Variants in FUS observed in about 807,000 individuals in gnomAD.
FUS encodes the protein RNA-binding protein FUS.
Under a neutral mutation model 82.7 loss-of-function variants are expected in FUS, and 5 were observed. The ratio of observed to expected loss-of-function variants is 0.06; its 90% CI spans 0.03 to 0.13. The LOEUF (loss-of-function observed/expected upper bound fraction) is 0.13. Ranked by LOEUF, FUS falls within the 10% of genes least tolerant of loss-of-function variation. The pLI is 1.00. For missense variants in FUS, 512 were observed against 707.8 expected (o/e 0.72, Z 3.14); for synonymous variants, 281 against 247.4 (o/e 1.14, Z -1.27).
intron 3 of FUS, 193 bp from the exon 4 acceptor site, chr16:31,183,665 A>T (rs1222046830): frequency 6.0e-6 from 4 of 665,148 alleles, no homozygotes; most frequent in Non-Finnish European, 1.1e-5. Flanking sequence ...TGTACTAAAG[A>T]GTTGGTAGAA....
At position 31,185,149 on chromosome 16, in the gene FUS, G is replaced by T. The variant is rs1009613052; in HGVS notation, c.734G>T (p.Gly245Val). ...GGTGGCTATGAACCCAGAGGTCGTG[G>T]AGGTGGCCGTGGAGGCAGAGGTGGC... ...SSGGYEPRGR[G>V]GGRGGRGGMG... The change falls in exon 6 of 15, where the codon GGA (glycine) becomes GTA (valine). Residue 245 changes from glycine (G) to valine (V), a missense_variant. Transcript: ENST00000254108. 1.9e-6 allele frequency: 3 copies of T among 1,610,808 alleles called. No individual in the cohort carries two copies. Among genetic ancestry groups the T allele is most frequent in the Non-Finnish European group, 2.5e-6 (3 of 1,178,490 alleles).
chr16:31,190,331 G>A lies in FUS; in HGVS notation c.1225G>A (p.Gly409Arg), dbSNP rs1206751147. The A allele has an allele frequency of 3.1e-6, 5 of 1,614,148 alleles. No homozygotes were observed. The highest frequency in any genetic ancestry group is 1.3e-5 in the African/African-American group (1 of 75,020). ...TGGCAGTGGTGGTGGTGGCCGAGGA[G>A]GATTTCCCAGTGGAGGTGGTGGCGG... ...GGGSGGGGRGGFPSGGGGGGG... is the reference protein window; with the variant it reads ...GGGSGGGGRGRFPSGGGGGGG... The change falls in exon 12 of 15, where the codon GGA becomes AGA. Residue 409 changes from glycine to arginine, a missense_variant. This residue lies in a region of FUS where 63 missense variants were observed against 83.0 expected (regional missense o/e 0.76). Transcript: ENST00000254108.
intron 7 of FUS, chr16:31,187,734 C>G (rs1022390288): frequency 4.3e-6 from 1 of 234,322 alleles, no homozygotes; most frequent in Non-Finnish European, 8.4e-6. Context: ...GGCTGCATTA[C>G]GGAAATAAGA....
downstream of FUS, chr16:31,193,434 G>A (rs1307375258): frequency 9.5e-6 from 5 of 527,472 alleles, no homozygotes; most frequent in South Asian, 1.5e-5. Context: ...GGCCTGATAC[G>A]ATATTTGAGT....
chr16:31,187,331 A>G (rs565658593), intron 7 of FUS: 44 of 259,560 alleles, frequency 1.7e-4, no homozygotes, highest in Non-Finnish European at 3.0e-4. Context: ...AATGGTGTCA[A>G]TGAATGCAAT....
Position 31,187,246 on chromosome 16 carries a change from G to A in FUS, c.799+410G>A, listed in dbSNP as rs534869047. Reference sequence around the variant, plus strand: ...GTGTGAGTGTGTGGGAGACAACTCCGAATGTTTAATTCTGGAAGAGGGATG... The same window carrying A: ...GTGTGAGTGTGTGGGAGACAACTCCAAATGTTTAATTCTGGAAGAGGGATG... On this transcript the variant is annotated intron_variant, in intron 7 of 14. Coordinates refer to ENST00000254108, the MANE Select transcript of FUS (RefSeq NM_004960.4). The A allele has an allele frequency of 8.8e-5, 27 of 307,500 alleles. 1 individual carries two copies. Among genetic ancestry groups the A allele is most frequent in the African/African-American group, 4.1e-4 (20 of 49,176 alleles). 19.0% of individuals were successfully genotyped at this position (307,500 alleles called of 1,614,324 possible). A position where few individuals can be genotyped will look rare whatever the true frequency, so the allele number is the denominator to read the frequency against.
intron 3 of FUS, 84 bp from the exon 4 acceptor site, chr16:31,183,774 T>C: frequency 1.3e-6 from 2 of 1,528,832 alleles, no homozygotes; most frequent in Middle Eastern, 1.7e-4. Flanking sequence ...TTTATGAGTA[T>C]AGGTATTATG....
intron 6 of FUS, chr16:31,185,972 A>G: frequency 4.2e-6 from 1 of 236,744 alleles, no homozygotes; most frequent in East Asian, 6.0e-5. Context: ...AAGGGGAGGA[A>G]TGTCAGTGTT....
intron 9 of FUS, 108 bp from the exon 10 acceptor site, chr16:31,189,556 GA>G: frequency 1.4e-6 from 2 of 1,454,196 alleles, no homozygotes; most frequent in Non-Finnish European, 1.9e-6. Flanking sequence ...TAACTGGGAA[GA>G]GGGGAGCTGA....
chr16:31,193,435 ATAT>A, downstream of FUS: 1 of 527,974 alleles, frequency 1.9e-6, no homozygotes, highest in Non-Finnish European at 3.7e-6. Context: ...GCCTGATACG[ATAT>A]TTGAGTAGTT....
At chr16:31,180,130 G>C (rs773765940), upstream of FUS, 3 of 1,560,262 alleles carry the variant, frequency 1.9e-6, no homozygotes, top group South Asian at 1.2e-5. Context: ...CGACGCAGGA[G>C]GCGGGGCTGC....
chr16:31,183,597 C>T, intron 3 of FUS: 1 of 498,176 alleles, frequency 2.0e-6, no homozygotes, highest in Non-Finnish European at 3.6e-6. Context: ...ATCCTTGGGC[C>T]TGGGTTTAGA....
intron 9 of FUS, 64 bp from the exon 10 acceptor site, chr16:31,189,600 GA>G (rs1378673648): frequency 6.2e-7 from 1 of 1,607,510 alleles, no homozygotes; most frequent in African/African-American, 1.3e-5. Flanking sequence ...TGTTCTAGAG[GA>G]AGAAGATGGA....
intron 12 of FUS, 129 bp from the exon 13 acceptor site, chr16:31,190,613 G>A: frequency 1.7e-6 from 2 of 1,174,816 alleles, no homozygotes; most frequent in Non-Finnish European, 2.5e-6. Context: ...ACTCTGAGAA[G>A]CAAGCCGTTT....
chr16:31,185,450 A>G (rs1270748121), intron 6 of FUS: 11 of 662,436 alleles, frequency 1.7e-5, no homozygotes, highest in Admixed American at 1.3e-4. Context: ...ATAGATACGT[A>G]TGGATTGGAG....
At position 31,182,675 on chromosome 16, in the gene FUS, C is replaced by G. The variant is rs775693397; in HGVS notation, c.190+11C>G. ...GCCAGAGCCAGAACAGTGAGTCTTT[C>G]TCAGCGGGTCACCTCTTCCTACTCT... is the stretch of plus-strand genomic sequence containing the variant. On this transcript the variant is annotated intron_variant, in intron 3 of 14. Coordinates refer to ENST00000254108, the MANE Select transcript of FUS (RefSeq NM_004960.4). 6 of 1,614,186 alleles carry G rather than the reference C, an allele frequency of 3.7e-6. No homozygotes were observed. The highest frequency in any genetic ancestry group is 4.2e-6 in the Non-Finnish European group (5 of 1,180,020).
downstream of FUS, chr16:31,192,675 C>T (rs2079377374): frequency 2.1e-6 from 1 of 482,030 alleles, no homozygotes; most frequent in Admixed American, 2.3e-5. Flanking sequence ...ATTCTCCTGC[C>T]TCAGGAGAAT....
At chr16:31,188,210 A>G (rs2079299052) in intron 7 of FUS, 115 bp from the exon 8 acceptor site, 2 of 1,107,188 alleles carry the variant, frequency 1.8e-6, no homozygotes, top group South Asian at 1.3e-5. Context: ...TTGATATTTT[A>G]CAAGTTTGGA....
intron 1 of FUS, among the ~76,000 whole-genome samples, chr16:31,181,957 A>C (rs2079185710): frequency 6.6e-6 from 1 of 151,938 alleles, no homozygotes. Context: ...CTTCTCAACC[A>C]GTGTCTCATG....
Sources: allele counts gnomAD v4.1 joint callset (sites outside exome capture counted in the v4.1 genomes callset), GRCh38; gene constraint gnomAD v4.1.1; regional missense constraint gnomAD v4.1.1; transcripts MANE v1.5; gene names NCBI Gene and HGNC (gene_info 2026-07-23, HGNC 2026-07-21).